The following SORCS2 variants were observed in gnomAD, a reference collection of about 807,000 sequenced individuals.
The protein encoded by SORCS2 is sortilin related VPS10 domain containing receptor 2, also known as VPS10 domain-containing receptor SorCS2.
In SORCS2, 100 loss-of-function variants were observed where a neutral mutation model predicts 141.6. That is an observed-to-expected ratio of 0.71 (90% CI 0.60 to 0.83). The LOEUF (loss-of-function observed/expected upper bound fraction) is 0.83. SORCS2 is among the 40% of genes least tolerant of loss of function. SORCS2 has a pLI of 0.00. For missense variants in SORCS2, 1,646 were observed against 1,560.2 expected (o/e 1.05, Z -0.93); for synonymous variants, 789 against 676.9 (o/e 1.17, Z -2.57).
intron 2 of SORCS2, chr4:7,431,283 A>C (rs1726832101): frequency 6.6e-6 from 1 of 152,034 alleles, no homozygotes; most frequent in African/African-American, 2.4e-5. Context: ...GGGTGTGGGG[A>C]CACCCCACCC....
intron 2 of SORCS2, among the ~76,000 whole-genome samples, chr4:7,510,815 C>T (rs1279433817): frequency 1.3e-5 from 2 of 152,190 alleles, no homozygotes; most frequent in Non-Finnish European, 2.9e-5. Flanking sequence ...AGAGTGGAGC[C>T]TCCGGGCCAC....
chr4:7,605,115 T>C (rs1202656315), intron 3 of SORCS2, among the ~76,000 whole-genome samples: 1 of 152,200 alleles, frequency 6.6e-6, no homozygotes, highest in East Asian at 1.9e-4. Flanking sequence ...GTGTGAGGGA[T>C]CCATGTTTCT....
intron 1 of SORCS2, among the ~76,000 whole-genome samples, chr4:7,342,577 G>A (rs1432101264): frequency 6.6e-6 from 1 of 152,132 alleles, no homozygotes; most frequent in Admixed American, 6.5e-5. Flanking sequence ...CGGCGTGAAA[G>A]GGAGGTGGAG....
chr4:7,736,781 C>A (rs895157731), intron 25 of SORCS2, among the ~76,000 whole-genome samples: 1 of 152,164 alleles, frequency 6.6e-6, no homozygotes, highest in East Asian at 1.9e-4. Context: ...CACATGCCCA[C>A]GCTTCGATTC....
At chr4:7,549,752 G>A (rs979421671) in intron 3 of SORCS2, among the ~76,000 whole-genome samples, 3 of 152,178 alleles carry the variant, frequency 2.0e-5, no homozygotes, top group Non-Finnish European at 2.9e-5. Flanking sequence ...CTTATCTCAC[G>A]AATTCTCTCC....
intron 3 of SORCS2, among the ~76,000 whole-genome samples, chr4:7,636,788 G>A (rs954683781): frequency 1.3e-5 from 2 of 152,060 alleles, no homozygotes; most frequent in African/African-American, 4.8e-5. Context: ...TATTGTGTGT[G>A]TTTCTTGGGG....
chr4:7,264,485 G>A (rs964123072), intron 1 of SORCS2, among the ~76,000 whole-genome samples: 6 of 151,906 alleles, frequency 3.9e-5, no homozygotes, highest in East Asian at 1.9e-4. Flanking sequence ...CCTGGACCCC[G>A]TCGAGTGTCT....
At chr4:7,421,931 C>T (rs567741914) in intron 2 of SORCS2, among the ~76,000 whole-genome samples, 107 of 147,126 alleles carry the variant, frequency 7.3e-4, no homozygotes, top group African/African-American at 2.4e-3. Context: ...CTGGGCATCA[C>T]GCTCCCTCCC....
Position 7,603,432 on chromosome 4 carries a change from T to C in SORCS2, c.649-34896T>C, listed in dbSNP as rs188841626. 2.2e-3 allele frequency among the ~76,000 whole-genome samples: 332 copies of C among 152,346 alleles called. 1 individual carries two copies. The highest frequency in any genetic ancestry group is 3.7e-3 in the Non-Finnish European group (253 of 68,020). On this transcript the variant is annotated intron_variant, in intron 3 of 26. Coordinates refer to ENST00000507866, the MANE Select transcript of SORCS2 (RefSeq NM_020777.3). The stretch of plus-strand genomic sequence containing the variant: ...TTTTCTGTGCTGTGATTCTTGGTTA[T>C]GTCTTCAGCTGTACCATATCACTCA...
chr4:7,733,272 C>T (rs772551613), intron 23 of SORCS2, 50 bp from the exon 24 acceptor site: 6 of 1,395,170 alleles, frequency 4.3e-6, no homozygotes, highest in Non-Finnish European at 4.8e-6. Flanking sequence ...TCCCTTTTGG[C>T]AGAGGAGCCT....
chr4:7,303,077 T>A (rs1363438400), intron 1 of SORCS2, among the ~76,000 whole-genome samples: 1 of 152,138 alleles, frequency 6.6e-6, no homozygotes, highest in Non-Finnish European at 1.5e-5. Flanking sequence ...CACTCCTCCA[T>A]GCACACAAAA....
chr4:7,692,217 C>T (rs1724302268), intron 11 of SORCS2, among the ~76,000 whole-genome samples: 1 of 152,198 alleles, frequency 6.6e-6, no homozygotes, highest in Admixed American at 6.5e-5. Context: ...TGGCTGCCTG[C>T]CCTGGCACAG....
intron 10 of SORCS2, among the ~76,000 whole-genome samples, chr4:7,684,577 C>A (rs1284971365): frequency 1.3e-5 from 2 of 152,172 alleles, no homozygotes; most frequent in Non-Finnish European, 2.9e-5. Context: ...AGAGACTGCA[C>A]CCTGGGGACA....
chr4:7,584,620 G>C (rs1560405075), intron 3 of SORCS2, among the ~76,000 whole-genome samples: 1 of 152,168 alleles, frequency 6.6e-6, no homozygotes, highest in Non-Finnish European at 1.5e-5. Context: ...AAACCAGGCT[G>C]CCTCCACAGT....
chr4:7,308,686 C>G (rs1197180583), intron 1 of SORCS2, among the ~76,000 whole-genome samples: 1 of 152,130 alleles, frequency 6.6e-6, no homozygotes, highest in Non-Finnish European at 1.5e-5. Context: ...CTCTTCTTCA[C>G]TCCCCCTCTT....
At chr4:7,421,672 G>A (rs1300854377) in intron 2 of SORCS2, among the ~76,000 whole-genome samples, 5 of 152,240 alleles carry the variant, frequency 3.3e-5, no homozygotes, top group South Asian at 2.1e-4. Context: ...CAGTGGCTCC[G>A]GGGACAGCGA....
rs376169722 is a variant in SORCS2 at position 7,374,670 on chromosome 4, C to T, written c.481-21618C>T. Among the ~76,000 whole-genome samples the T allele has an allele frequency of 3.9e-5, 6 of 152,188 alleles. No individual in the cohort carries two copies. In the East Asian group the frequency reaches 5.8e-4, roughly 15 times the overall value. ...AGTAACGACCAAGAGCTGGGGTCCC[C>T]GATCGCTGAACAGCCCACACATTTG... On this transcript the variant is annotated intron_variant, in intron 1 of 26. Transcript: ENST00000507866.
chr4:7,673,166 C>A (rs555479242), intron 8 of SORCS2, among the ~76,000 whole-genome samples: 1 of 152,282 alleles, frequency 6.6e-6, no homozygotes, highest in African/African-American at 2.4e-5. Context: ...TTTAAAAGAC[C>A]ATTCTCAATA....
At chr4:7,738,963 T>C (rs1427697364) in intron 26 of SORCS2, among the ~76,000 whole-genome samples, 1 of 152,106 alleles carries the variant, frequency 6.6e-6, no homozygotes, top group Non-Finnish European at 1.5e-5. Context: ...GTGTTCCTCA[T>C]GGCGTGATGC....
Sources: gnomAD v4.1 joint callset for allele counts (sites outside exome capture counted in the v4.1 genomes callset) on GRCh38, gnomAD v4.1.1 for gene constraint, MANE v1.5 for transcripts, NCBI Gene and HGNC (gene_info 2026-07-23, HGNC 2026-07-21) for gene names.